DNAH10: variants seen among roughly 807,000 people sequenced by gnomAD.
DNAH10 encodes axonemal beta dynein heavy chain 10.
A neutral mutation model predicts 506.6 loss-of-function variants in DNAH10; 348 were observed. The observed-to-expected ratio is 0.69, with a 90% CI of 0.63 to 0.75. The LOEUF (loss-of-function observed/expected upper bound fraction) is 0.75, where lower values mean the gene tolerates loss of function less well. DNAH10 is among the 30% of genes least tolerant of loss of function. DNAH10 has a pLI of 0.00. For synonymous variants in DNAH10, 2,059 were observed against 2,198.6 expected (o/e 0.94, Z 1.78); for missense variants, 5,179 against 5,787.1 (o/e 0.89, Z 3.41).
At chr12:123,934,247 A>G (rs906701538) in intron 77 of DNAH10, 6 of 699,572 alleles carry the variant, frequency 8.6e-6, no homozygotes, top group Admixed American at 4.0e-5. Context: ...TTCGGCTCAC[A>G]GGGTAGCTGG....
intron 1 of DNAH10, among the ~76,000 whole-genome samples, chr12:123,765,702 GTCTA>G (rs1432571279): frequency 6.6e-6 from 1 of 150,816 alleles, no homozygotes; most frequent in Non-Finnish European, 1.5e-5. Context: ...CAATCTGTGT[GTCTA>G]TCTACCTATC....
intron 3 of DNAH10, among the ~76,000 whole-genome samples, chr12:123,772,091 A>T (rs528222832): frequency 9.9e-5 from 15 of 152,246 alleles, no homozygotes; most frequent in Admixed American, 3.9e-4. Flanking sequence ...AGAGAGGCTC[A>T]CCTGAGCCTT....
chr12:123,791,885 A>G (rs1484519151), intron 11 of DNAH10, among the ~76,000 whole-genome samples: 1 of 152,226 alleles, frequency 6.6e-6, no homozygotes, highest in Non-Finnish European at 1.5e-5. Flanking sequence ...TAAAGGATTC[A>G]TAATAAGAAA....
chr12:123,777,626 C>G (rs1218741816), intron 5 of DNAH10, among the ~76,000 whole-genome samples: 1 of 152,116 alleles, frequency 6.6e-6, no homozygotes, highest in Non-Finnish European at 1.5e-5. Context: ...CATTGGCTAC[C>G]TTCTTATTTA....
In DNAH10 at chr12:123,762,458, T is replaced by G. The variant is rs1956860414; in HGVS notation, c.122T>G (p.Leu41Trp). The part of the protein sequence containing the change: ...RDDGQGEDLI[L>W]HFLNQASEEE... Reference sequence around the variant, plus strand: ...GACGGCCAGGGCGAGGACCTCATCTTGCACTTCCTCAACCAGGCGAGCGAG... The same window carrying G: ...GACGGCCAGGGCGAGGACCTCATCTGGCACTTCCTCAACCAGGCGAGCGAG... The change falls in exon 1 of 79, where the codon TTG becomes TGG. Residue 41 changes from leucine to tryptophan, a missense_variant. By Grantham distance (61) the Leu-to-Trp change is moderately conservative (BLOSUM62 -2). Around this residue, in one of 3 missense-constraint regions of DNAH10, gnomAD observed 326 missense variants for 330.8 expected, o/e 0.99. Transcript: ENST00000673944. This position sits in a 1 kb window ranked among gnomAD's most constrained non-coding sequence, Gnocchi z 5.0. The G allele has an allele frequency of 1.3e-6, 2 of 1,494,184 alleles. No homozygotes were observed. The highest frequency in any genetic ancestry group is 1.4e-5 in the African/African-American group (1 of 70,222). The allele number at this position is 1,494,184 out of a possible 1,614,324, so 92.6% of individuals were successfully genotyped here.
chr12:123,783,915 AGAGTTCTTTG>A (rs1268061407), intron 7 of DNAH10, 22 bp from the exon 8 acceptor site: 6 of 1,588,744 alleles, frequency 3.8e-6, no homozygotes, highest in Non-Finnish European at 5.2e-6. Context: ...CCTAATAATG[AGAGTTCTTTG>A]TGTGTTCATT....
At chr12:123,793,341 C>CTT (rs899753911) in intron 11 of DNAH10, among the ~76,000 whole-genome samples, 2 of 140,440 alleles carry the variant, frequency 1.4e-5, no homozygotes, top group African/African-American at 5.2e-5. Flanking sequence ...TAGTTACTGT[C>CTT]TTTTTTTTTT....
At chr12:123,847,263 TATCCATCC>T (rs71444921) in intron 32 of DNAH10, among the ~76,000 whole-genome samples, 2 of 118,008 alleles carry the variant, frequency 1.7e-5, no homozygotes, top group African/African-American at 7.5e-5. Flanking sequence ...TCTATCTATC[TATCCATCC>T]ATCCATCCTG....
intron 44 of DNAH10, 38 bp downstream of exon 44, chr12:123,870,523 G>A: frequency 1.2e-6 from 2 of 1,603,054 alleles, no homozygotes; most frequent in Non-Finnish European, 1.7e-6. Flanking sequence ...GGGTTTAGGA[G>A]TGTGTGATAC....
intron 62 of DNAH10, among the ~76,000 whole-genome samples, chr12:123,915,839 C>T (rs1362439436): frequency 1.3e-5 from 2 of 152,154 alleles, no homozygotes; most frequent in Non-Finnish European, 2.9e-5. Context: ...TTGGTGCACA[C>T]GTTTCTATGT....
chr12:123,830,794 A>T, intron 26 of DNAH10, 95 bp downstream of exon 26: 1 of 1,168,936 alleles, frequency 8.6e-7, no homozygotes, highest in Non-Finnish European at 1.1e-6. Context: ...AAAAAAAAAA[A>T]ATTAGCTGAG....
chr12:123,933,255 A>C, intron 76 of DNAH10, 76 bp from the exon 77 acceptor site: 11 of 1,298,720 alleles, frequency 8.5e-6, no homozygotes, highest in Non-Finnish European at 1.1e-5. Context: ...ATCATAAACT[A>C]AACTTCCAGG....
At chr12:123,831,079 T>G (rs1261816002) in intron 26 of DNAH10, among the ~76,000 whole-genome samples, 1 of 152,244 alleles carries the variant, frequency 6.6e-6, no homozygotes, top group Non-Finnish European at 1.5e-5. Context: ...TAGTTTCATT[T>G]TCCATTGTTT....
In DNAH10 at chr12:123,867,963, C is replaced by T. The variant is rs1951878394; in HGVS notation, c.7363C>T (p.Leu2455=). Residue 2455 remains leucine, a synonymous_variant, in exon 43 of 79, where the codon CTG becomes TTG. Transcript: ENST00000673944. The part of the protein sequence containing the change: ...LLEGEIEDLD[L]LECYFLEALY... Reference sequence around the variant, plus strand: ...AGAAGGAGAAATAGAAGACCTTGACCTGCTGGAGTGCTACTTCCTGGAGGC... The same window carrying T: ...AGAAGGAGAAATAGAAGACCTTGACTTGCTGGAGTGCTACTTCCTGGAGGC... The T allele has an allele frequency of 6.2e-7, 1 of 1,613,786 alleles. No homozygotes were observed. The highest frequency in any genetic ancestry group is 1.7e-5 in the Admixed American group (1 of 59,990).
intron 5 of DNAH10, among the ~76,000 whole-genome samples, chr12:123,778,070 G>A (rs768038205): frequency 8.5e-5 from 13 of 152,122 alleles, no homozygotes; most frequent in Non-Finnish European, 1.6e-4. Context: ...GGGCATGGCT[G>A]TGGGTGTCTG....
intron 21 of DNAH10, among the ~76,000 whole-genome samples, chr12:123,818,314 A>G (rs1959180465): frequency 6.6e-6 from 1 of 151,826 alleles, no homozygotes; most frequent in Non-Finnish European, 1.5e-5. Context: ...CAACTTTAAT[A>G]TTTATTTTTA....
intron 13 of DNAH10, among the ~76,000 whole-genome samples, chr12:123,797,781 G>T (rs1958336408): frequency 6.6e-6 from 1 of 152,184 alleles, no homozygotes; most frequent in Non-Finnish European, 1.5e-5. Flanking sequence ...TGAATTTTCA[G>T]CTTCTTTGGA....
chr12:123,806,926 C>T (rs1477406610), intron 18 of DNAH10, among the ~76,000 whole-genome samples: 1 of 152,104 alleles, frequency 6.6e-6, no homozygotes, highest in Non-Finnish European at 1.5e-5. Context: ...CACCATCACG[C>T]CCAGCTAATT....
chr12:123,933,300 G>A, intron 76 of DNAH10, 31 bp from the exon 77 acceptor site: 2 of 1,422,540 alleles, frequency 1.4e-6, no homozygotes, highest in Non-Finnish European at 1.9e-6. Context: ...GCAGCCCCAG[G>A]CTCCCAGCAC....
Sources: allele counts gnomAD v4.1 joint callset (sites outside exome capture counted in the v4.1 genomes callset), GRCh38; gene constraint gnomAD v4.1.1; regional missense constraint gnomAD v4.1.1; non-coding constraint Gnocchi (gnomAD v3.1); transcripts MANE v1.5; gene names NCBI Gene and HGNC (gene_info 2026-07-23, HGNC 2026-07-21).